PMFBP1: variants seen among roughly 807,000 people sequenced by gnomAD.
The protein encoded by PMFBP1 is polyamine modulated factor 1 binding protein 1, also known as polyamine-modulated factor 1-binding protein 1.
A neutral mutation model predicts 137.8 loss-of-function variants in PMFBP1; 131 were observed. The ratio of observed to expected loss-of-function variants is 0.95; its 90% CI spans 0.82 to 1.10. The LOEUF is 1.10. Ranked by LOEUF, PMFBP1 falls within the 50% of genes least tolerant of loss-of-function variation. The pLI is 0.00. For synonymous variants in PMFBP1, 490 were observed against 450.4 expected, an observed-to-expected ratio of 1.09 and a Z score of -1.11; for missense variants, 1,199 against 1,175.4, an observed-to-expected ratio of 1.02 and a Z score of -0.29.
At chr16:72,148,067 C>T (rs2042839999) in intron 5 of PMFBP1, among the ~76,000 whole-genome samples, 1 of 152,104 alleles carries the variant, frequency 6.6e-6, no homozygotes, top group Admixed American at 6.6e-5. Flanking sequence ...AAGACACAGG[C>T]ACACATATGT....
intron 5 of PMFBP1, among the ~76,000 whole-genome samples, chr16:72,145,796 C>T (rs1003533524): frequency 6.6e-6 from 1 of 152,302 alleles, no homozygotes; most frequent in East Asian, 1.9e-4. Context: ...TGGATAAATT[C>T]CTCGACACAT....
intron 5 of PMFBP1, among the ~76,000 whole-genome samples, chr16:72,148,490 G>A (rs1181342769): frequency 1.3e-5 from 2 of 152,008 alleles, no homozygotes; most frequent in Admixed American, 1.3e-4. Context: ...TGCACGTTGT[G>A]CACATGTACC....
intron 3 of PMFBP1, among the ~76,000 whole-genome samples, chr16:72,159,132 TC>T (rs2043024874): frequency 6.6e-6 from 1 of 152,174 alleles, no homozygotes; most frequent in South Asian, 2.1e-4. Context: ...TGCTTCCACG[TC>T]CCTGTTTTTT....
the PMFBP1 span, among the ~76,000 whole-genome samples, chr16:72,201,607 A>C: frequency 6.6e-6 from 1 of 152,176 alleles, no homozygotes; most frequent in Non-Finnish European, 1.5e-5. Context: ...CAAAGCTGCC[A>C]ATCACAATCC....
the PMFBP1 span, among the ~76,000 whole-genome samples, chr16:72,207,714 G>GTGTGTGTGTGTGTGTGTT: frequency 6.7e-6 from 1 of 149,106 alleles, no homozygotes; most frequent in Non-Finnish European, 1.5e-5. Context: ...TAGGGCATGT[G>GTGTGTGTGTGTGTGTGTT]TGTGTGTGTG....
At chr16:72,154,525 A>AT (rs929810667) in intron 3 of PMFBP1, 66 bp from the exon 4 acceptor site, 549 of 1,520,614 alleles carry the variant, frequency 3.6e-4, no homozygotes, top group Non-Finnish European at 3.9e-4. Flanking sequence ...TCATTCCAGG[A>AT]TTTTTTTTTC....
the PMFBP1 span, among the ~76,000 whole-genome samples, chr16:72,207,094 C>A: frequency 6.6e-6 from 1 of 152,022 alleles, no homozygotes. Flanking sequence ...TTGGGCTTGG[C>A]ACTGAGTCCC....
downstream of PMFBP1, among the ~76,000 whole-genome samples, chr16:72,117,969 A>G (rs2042325346): frequency 6.6e-6 from 1 of 152,198 alleles, no homozygotes; most frequent in African/African-American, 2.4e-5. Flanking sequence ...TGGCTCTGCT[A>G]CCAATTAGCT....
At position 72,139,495 on chromosome 16, in the gene PMFBP1, T is replaced by A. The variant is rs1399406974; in HGVS notation, c.808-96A>T. 5 of 994,960 alleles carry A rather than the reference T, an allele frequency of 5.0e-6. No homozygotes were observed. The African/African-American group carries it at 7.9e-5, about 16-fold the overall frequency. 61.6% of individuals were successfully genotyped at this position (994,960 alleles called of 1,614,324 possible). On this transcript the variant is annotated intron_variant, in intron 6 of 20. Coordinates refer to ENST00000237353, the MANE Select transcript of PMFBP1 (RefSeq NM_031293.3). ...AGAGTGTTCCTTTCTGCAGCATAAG[T>A]TTGTTGCAGAATTATACAATTCATC...
intron 6 of PMFBP1, 76 bp from the exon 7 acceptor site, chr16:72,139,475 G>A: frequency 8.1e-6 from 9 of 1,108,372 alleles, no homozygotes; most frequent in South Asian, 1.3e-5. Flanking sequence ...ATTTCAGAGT[G>A]TTCCTTTCTG....
At chr16:72,174,122 T>C (rs1214701309), upstream of PMFBP1, 3 of 152,208 alleles carry the variant, frequency 2.0e-5, no homozygotes, top group Admixed American at 6.5e-5. Flanking sequence ...CTTCTAGTGA[T>C]GTTTTGTGCC....
chr16:72,200,219 G>A, the PMFBP1 span, among the ~76,000 whole-genome samples: 1 of 152,246 alleles, frequency 6.6e-6, no homozygotes, highest in Non-Finnish European at 1.5e-5. Flanking sequence ...TCCTATCAGG[G>A]ACTTCAACCC....
the PMFBP1 span, among the ~76,000 whole-genome samples, chr16:72,228,883 G>T: frequency 6.8e-6 from 1 of 146,314 alleles, no homozygotes; most frequent in African/African-American, 2.5e-5. Flanking sequence ...AGGTTCGGGG[G>T]TACATGTGCA....
At chr16:72,154,962 G>A (rs1336245114) in intron 3 of PMFBP1, among the ~76,000 whole-genome samples, 1 of 152,138 alleles carries the variant, frequency 6.6e-6, no homozygotes, top group Non-Finnish European at 1.5e-5. Context: ...GTACATCTGG[G>A]CACTGACTCT....
chr16:72,141,839 T>A (rs554254616), intron 5 of PMFBP1, among the ~76,000 whole-genome samples: 11 of 152,282 alleles, frequency 7.2e-5, no homozygotes, highest in African/African-American at 2.2e-4. Context: ...ATTGTACTAT[T>A]GTCCTTCAAA....
the PMFBP1 span, among the ~76,000 whole-genome samples, chr16:72,237,397 G>C: frequency 6.6e-6 from 1 of 151,946 alleles, no homozygotes; most frequent in Non-Finnish European, 1.5e-5. Context: ...GCTTTCCATA[G>C]AAGACTGGGG....
the PMFBP1 span, among the ~76,000 whole-genome samples, chr16:72,190,898 C>A: frequency 1.3e-5 from 2 of 152,116 alleles, no homozygotes; most frequent in Non-Finnish European, 2.9e-5. Flanking sequence ...CCTAGGCTTC[C>A]TTAACGGAGT....
intron 10 of PMFBP1, among the ~76,000 whole-genome samples, chr16:72,131,689 C>A (rs930325097): frequency 4.6e-5 from 7 of 152,082 alleles, no homozygotes; most frequent in African/African-American, 1.7e-4. Context: ...GGGAGAAAGA[C>A]GGACCCGTGA....
At chr16:72,246,709 G>C in the PMFBP1 span, among the ~76,000 whole-genome samples, 1 of 151,992 alleles carries the variant, frequency 6.6e-6, no homozygotes, top group Non-Finnish European at 1.5e-5. Flanking sequence ...GATAATGATT[G>C]ACTGGTTATT....
Sources: allele counts gnomAD v4.1 joint callset (sites outside exome capture counted in the v4.1 genomes callset), GRCh38; gene constraint gnomAD v4.1.1; transcripts MANE v1.5; gene names NCBI Gene and HGNC (gene_info 2026-07-23, HGNC 2026-07-21).